APOA2: variants seen among roughly 807,000 people sequenced by gnomAD.
The protein encoded by APOA2 is apolipoprotein A-II.
APOA2 carries 3 observed loss-of-function variants against 7.4 expected under a neutral mutation model. The observed-to-expected ratio is 0.41, with a 90% CI of 0.18 to 1.05. The LOEUF is 1.05. Ranked by LOEUF, APOA2 falls within the 50% of genes least tolerant of loss-of-function variation. The pLI is 0.33. For synonymous variants in APOA2, 42 were observed against 47.8 expected, an observed-to-expected ratio of 0.88 and a Z score of 0.50; for missense variants, 90 against 116.3, an observed-to-expected ratio of 0.77 and a Z score of 1.04.
In APOA2 at chr1:161,222,307, T is replaced by C; in HGVS notation, c.*98A>G. ...GGCTCAGAGCTGGATTCATTCAGCA[T>C]TTATTGTAGCAAAGAGTGGGTAGGG... is the stretch of plus-strand genomic sequence containing the variant. On this transcript the variant is annotated 3_prime_UTR_variant, in exon 4 of 4. Coordinates refer to ENST00000367990, the MANE Select transcript of APOA2 (RefSeq NM_001643.2). The C allele has an allele frequency of 1.1e-6, 1 of 886,944 alleles. No homozygotes were observed. The highest frequency in any genetic ancestry group is 1.9e-6 in the Non-Finnish European group (1 of 536,510). 54.9% of individuals were successfully genotyped at this position (886,944 alleles called of 1,614,324 possible). A position where few individuals can be genotyped will look rare whatever the true frequency, so the allele number is the denominator to read the frequency against.
intron 3 of APOA2, 104 bp downstream of exon 3, chr1:161,222,814 G>T (rs1666192421): frequency 1.9e-6 from 3 of 1,546,186 alleles, no homozygotes; most frequent in Non-Finnish European, 2.7e-6. Flanking sequence ...AGCCTAATCT[G>T]CCCTAATCCC....
chr1:161,223,171 C>T (rs1571635609), intron 2 of APOA2, 121 bp from the exon 3 acceptor site: 1 of 1,570,546 alleles, frequency 6.4e-7, no homozygotes. Context: ...AGCTCTCTGC[C>T]CCCTCCCCAA....
rs1431737804 is a variant in APOA2, at chr1:161,223,377, G to A, written c.25C>T (p.Leu9=). MKLLAATV[L]LLTICSLEGA... ...TCAAGGCTGCAGATGGTGAGGAGTA[G>A]CACAGTTGCTGCGAGCAGCTTCATG... The change falls in exon 2 of 4, where the codon CTA becomes TTA. Residue 9 remains leucine (L), a synonymous_variant. Coordinates refer to ENST00000367990, the MANE Select transcript of APOA2 (RefSeq NM_001643.2). The A allele has an allele frequency of 1.2e-5, 19 of 1,613,992 alleles. No individual in the cohort carries two copies. Among genetic ancestry groups the A allele is most frequent in the Non-Finnish European group, 1.6e-5 (19 of 1,179,960 alleles).
chr1:161,223,074 C>T, intron 2 of APOA2, 24 bp from the exon 3 acceptor site: 1 of 1,600,866 alleles, frequency 6.2e-7, no homozygotes, highest in Non-Finnish European at 8.5e-7. Flanking sequence ...CACACACACA[C>T]ACACACACAC....
chr1:161,223,238 C>CTT, intron 2 of APOA2, 112 bp downstream of exon 2: 1 of 1,562,354 alleles, frequency 6.4e-7, no homozygotes, highest in South Asian at 1.2e-5. Context: ...AGGGAATGAT[C>CTT]TTCCTTTTGA....
chr1:161,223,188 A>T, intron 2 of APOA2, 138 bp from the exon 3 acceptor site: 3 of 1,558,862 alleles, frequency 1.9e-6, no homozygotes, highest in Non-Finnish European at 2.6e-6. Context: ...CCAAAAAGGT[A>T]TCCAGCCAGA....
chr1:161,222,766 G>T, intron 3 of APOA2, 152 bp downstream of exon 3: 1 of 1,171,402 alleles, frequency 8.5e-7, no homozygotes. Context: ...AGACGTGTGG[G>T]ATCTTTGGGT....
rs112947528 is a variant in APOA2, at chr1:161,223,070, C to T, written c.53-20G>A. The stretch of plus-strand genomic sequence containing the variant: ...AAGCTCCTGCCCACACACACACACA[C>T]ACACACACACACACACACACACACT... On this transcript the variant is annotated intron_variant, in intron 2 of 3. Coordinates refer to ENST00000367990, the MANE Select transcript of APOA2 (RefSeq NM_001643.2). The T allele has an allele frequency of 4.4e-4, 652 of 1,489,388 alleles. 3 individuals carry two copies. In the African/African-American group the frequency reaches 8.0e-3, roughly 18 times the overall value. The allele number at this position is 1,489,388 out of a possible 1,614,324, so 92.3% of individuals were successfully genotyped here.
In APOA2 at chr1:161,222,394, G is replaced by T; in HGVS notation, c.*11C>A. The T allele has an allele frequency of 1.9e-6, 3 of 1,610,928 alleles. No homozygotes were observed. The South Asian group carries it at 3.3e-5, about 18-fold the overall frequency. ...GGCCAGCTGGGGTTGGAAGACAATG[G>T]TCTGGACACTTCACTGGGTGGCAGG... On this transcript the variant is annotated 3_prime_UTR_variant, in exon 4 of 4. Transcript: ENST00000367990.
chr1:161,222,779 T>C (rs534567258), intron 3 of APOA2, 139 bp downstream of exon 3: 445 of 1,287,970 alleles, frequency 3.5e-4, no homozygotes, highest in Non-Finnish European at 4.5e-4. Context: ...CTTTGGGTGA[T>C]GAAATACTTT....
intron 3 of APOA2, 60 bp downstream of exon 3, chr1:161,222,858 A>G: frequency 6.2e-7 from 1 of 1,613,642 alleles, no homozygotes; most frequent in South Asian, 1.1e-5. Flanking sequence ...GGGACCTCTC[A>G]TCTTCCCTTC....
At position 161,222,368 on chromosome 1, in the gene APOA2, A is replaced by G; in HGVS notation, c.*37T>C. The G allele has an allele frequency of 6.5e-7, 1 of 1,549,098 alleles. No homozygotes were observed. The highest frequency in any genetic ancestry group is 8.9e-7 in the Non-Finnish European group (1 of 1,121,158). On this transcript the variant is annotated 3_prime_UTR_variant, in exon 4 of 4. Coordinates refer to ENST00000367990, the MANE Select transcript of APOA2 (RefSeq NM_001643.2). ...TAGGACTGGCCAGTGGGTGTTCTAG[A>G]GGCCAGCTGGGGTTGGAAGACAATG...
chr1:161,223,307 C>T (rs545359008), intron 2 of APOA2, 43 bp downstream of exon 2: 3 of 1,611,154 alleles, frequency 1.9e-6, no homozygotes, highest in African/African-American at 1.3e-5. Context: ...CTATAACCAC[C>T]AGCACATTCT....
intron 2 of APOA2, 141 bp downstream of exon 2, chr1:161,223,209 G>A (rs773608565): frequency 1.3e-6 from 2 of 1,552,528 alleles, no homozygotes; most frequent in Non-Finnish European, 8.7e-7. Context: ...TCTTTGGATG[G>A]GCTTTCTGGG....
rs867083217 is a variant in APOA2 at position 161,222,326 on chromosome 1, G to A, written c.*79C>T. ...TCAGCATTTATTGTAGCAAAGAGTG[G>A]GTAGGGACAGGAGCTCTAGGACTGG... On this transcript the variant is annotated 3_prime_UTR_variant, in exon 4 of 4. Transcript: ENST00000367990. 2 of 1,016,684 alleles carry A rather than the reference G, an allele frequency of 2.0e-6. No individual in the cohort carries two copies. The highest frequency in any genetic ancestry group is 3.1e-6 in the Non-Finnish European group (2 of 644,584). The allele number at this position is 1,016,684 out of a possible 1,614,324, so 63.0% of individuals were successfully genotyped here.
At position 161,223,518 on chromosome 1, in the gene APOA2, C is replaced by G. The variant is rs765990130; in HGVS notation, c.-25+77G>C. On this transcript the variant is annotated intron_variant, in intron 1 of 3. Transcript: ENST00000367990. Reference sequence around the variant, plus strand: ...TCTCCCTACCTGCTGCCCATTCCAACCTGGCTCTCTCCCTCTCCACAACTG... The same window carrying G: ...TCTCCCTACCTGCTGCCCATTCCAAGCTGGCTCTCTCCCTCTCCACAACTG... 3.5e-5 allele frequency: 36 copies of G among 1,040,924 alleles called. No homozygotes were observed. The African/African-American group carries it at 5.0e-4, about 15-fold the overall frequency. 64.5% of individuals were successfully genotyped at this position (1,040,924 alleles called of 1,614,324 possible).
chr1:161,222,394 G>A lies in APOA2; in HGVS notation c.*11C>T, dbSNP rs760378915. ...GGCCAGCTGGGGTTGGAAGACAATG[G>A]TCTGGACACTTCACTGGGTGGCAGG... On this transcript the variant is annotated 3_prime_UTR_variant, in exon 4 of 4. Transcript: ENST00000367990. 5 of 1,610,932 alleles carry A rather than the reference G, an allele frequency of 3.1e-6. No individual in the cohort carries two copies. Among genetic ancestry groups the A allele is most frequent in the Non-Finnish European group, 3.4e-6 (4 of 1,177,044 alleles).
At chr1:161,222,603 G>T in intron 3 of APOA2, 81 bp from the exon 4 acceptor site, 1 of 1,283,844 alleles carries the variant, frequency 7.8e-7, no homozygotes, top group Non-Finnish European at 1.1e-6. Context: ...GGAGGTCAGA[G>T]CAGACTGACT....
rs777531516 is a variant in APOA2, at chr1:161,222,345, G to C, written c.*60C>G. 2 of 1,262,978 alleles carry C rather than the reference G, an allele frequency of 1.6e-6. No homozygotes were observed. The highest frequency in any genetic ancestry group is 3.4e-5 in the Admixed American group (2 of 59,284). The allele number at this position is 1,262,978 out of a possible 1,614,324, so 78.2% of individuals were successfully genotyped here. ...AGAGTGGGTAGGGACAGGAGCTCTA[G>C]GACTGGCCAGTGGGTGTTCTAGAGG... On this transcript the variant is annotated 3_prime_UTR_variant, in exon 4 of 4. Transcript: ENST00000367990.
Sources: allele counts gnomAD v4.1 joint callset, GRCh38; gene constraint gnomAD v4.1.1; transcripts MANE v1.5; gene names NCBI Gene and HGNC (gene_info 2026-07-23, HGNC 2026-07-21).